Variants in DENND2B observed in about 807,000 individuals in gnomAD.
DENND2B encodes the protein DENN domain containing 2B.
A neutral mutation model predicts 116.0 loss-of-function variants in DENND2B; 32 were observed. The ratio of observed to expected loss-of-function variants is 0.28; its 90% CI spans 0.21 to 0.37. DENND2B has a LOEUF of 0.37. Ranked by LOEUF, DENND2B falls within the 10% of genes least tolerant of loss-of-function variation. The pLI is 1.00. For missense variants in DENND2B, 1,276 were observed against 1,477.7 expected (o/e 0.86, Z 2.24); for synonymous variants, 588 against 583.9 (o/e 1.01, Z -0.10).
At chr11:8,751,198 A>T (rs2052387914) in intron 1 of DENND2B, among the ~76,000 whole-genome samples, 1 of 152,100 alleles carries the variant, frequency 6.6e-6, no homozygotes, top group African/African-American at 2.4e-5. Context: ...ACATCAGTCC[A>T]CAGGCTGTAT....
chr11:8,758,212 A>G (rs74053166), intron 1 of DENND2B, among the ~76,000 whole-genome samples: 2,843 of 152,258 alleles, frequency 0.019, 89 homozygotes, highest in African/African-American at 0.065. Flanking sequence ...GTCACGACTC[A>G]CCATCTTCCC....
At chr11:8,746,233 G>A (rs1320250540) in intron 2 of DENND2B, among the ~76,000 whole-genome samples, 3 of 152,172 alleles carry the variant, frequency 2.0e-5, no homozygotes, top group Non-Finnish European at 4.4e-5. Flanking sequence ...AAGGCACAGG[G>A]TCCAAATCTG....
At chr11:8,717,675 TGG>T in intron 5 of DENND2B, 64 bp downstream of exon 5, 1 of 1,471,070 alleles carries the variant, frequency 6.8e-7, no homozygotes, top group Non-Finnish European at 9.0e-7. Flanking sequence ...GCCCAAGTCT[TGG>T]AAGAGCAGGC....
intron 2 of DENND2B, among the ~76,000 whole-genome samples, chr11:8,868,630 A>C (rs1269931482): frequency 6.6e-6 from 1 of 152,198 alleles, no homozygotes; most frequent in African/African-American, 2.4e-5. Context: ...CTCATCTTTA[A>C]AACAAGAGCA....
chr11:8,897,720 T>C (rs1182996823), intron 1 of DENND2B, among the ~76,000 whole-genome samples: 2 of 152,206 alleles, frequency 1.3e-5, no homozygotes, highest in African/African-American at 2.4e-5. Flanking sequence ...CAGATTTCAA[T>C]GGCTGAATGT....
At chr11:8,749,792 G>A (rs1468613326) in intron 2 of DENND2B, among the ~76,000 whole-genome samples, 1 of 152,124 alleles carries the variant, frequency 6.6e-6, no homozygotes, top group Non-Finnish European at 1.5e-5. Context: ...TTGTCCACCT[G>A]ACATTCAGCA....
intron 4 of DENND2B, chr11:8,830,692 C>T (rs2243566): frequency 0.44 from 67,215 of 151,990 alleles, 15,762 homozygotes; most frequent in East Asian, 0.59. Context: ...AAAGTATCTT[C>T]CCGCCTGTTC....
Position 8,707,610 on chromosome 11 carries a change from G to GTA in DENND2B, c.2430+166_2430+167insTA, listed in dbSNP as rs2042834370. Among the ~76,000 whole-genome samples, 2 of 152,230 alleles carry GTA rather than the reference G, an allele frequency of 1.3e-5. No homozygotes were observed. Among genetic ancestry groups the GTA allele is most frequent in the Non-Finnish European group, 2.9e-5 (2 of 68,032 alleles). On this transcript the variant is annotated intron_variant, in intron 12 of 19. Coordinates refer to ENST00000313726, the MANE Select transcript of DENND2B (RefSeq NM_213618.2). The surrounding 1 kb of genome is among the most constrained non-coding windows in gnomAD (Gnocchi z 4.8). Reference sequence around the variant, plus strand: ...TGCCAGCCAGCTGGGTAGAGAACCAGGCCGGGGAATGGGAGGGTGTCAGAG... The same window carrying GTA: ...TGCCAGCCAGCTGGGTAGAGAACCAGTAGCCGGGGAATGGGAGGGTGTCAGAG...
At chr11:8,734,451 C>G (rs2048630338) in intron 2 of DENND2B, among the ~76,000 whole-genome samples, 1 of 152,108 alleles carries the variant, frequency 6.6e-6, no homozygotes, top group South Asian at 2.1e-4. Flanking sequence ...AATCTTCTCT[C>G]CCTAAGCCTC....
chr11:8,797,153 C>A (rs1244815508), intron 1 of DENND2B, among the ~76,000 whole-genome samples: 1 of 152,214 alleles, frequency 6.6e-6, no homozygotes, highest in Non-Finnish European at 1.5e-5. Context: ...AGCTACTCCA[C>A]ATCCCTGCAG....
At chr11:8,813,411 G>C (rs2061462059), upstream of DENND2B, among the ~76,000 whole-genome samples, 1 of 152,054 alleles carries the variant, frequency 6.6e-6, no homozygotes, top group Non-Finnish European at 1.5e-5. Context: ...AGAAAGACAA[G>C]ACAGAAGGGC....
chr11:8,767,352 A>G (rs1255055772), intron 1 of DENND2B, among the ~76,000 whole-genome samples: 1 of 152,220 alleles, frequency 6.6e-6, no homozygotes. Context: ...CTCGTGTGAA[A>G]AAGGGATTAG....
Position 8,715,627 on chromosome 11 carries a change from G to C in DENND2B, c.1821C>G (p.Ser607Arg), listed in dbSNP as rs1452355585. 1.2e-5 allele frequency: 20 copies of C among 1,613,126 alleles called. No homozygotes were observed. Residue 607 changes from serine to arginine, a missense_variant, in exon 6 of 20, where the codon AGC (serine) becomes AGG (arginine). Coordinates refer to ENST00000313726, the MANE Select transcript of DENND2B (RefSeq NM_213618.2). Reference sequence around the variant, plus strand: ...CCTTGGGAATGCGGCGGGCCCGGCGGCTGGACAGCAGCTCGCTGGTGGTGC... The same window carrying C: ...CCTTGGGAATGCGGCGGGCCCGGCGCCTGGACAGCAGCTCGCTGGTGGTGC... ...SLSTTSELLS[S>R]RRARRIPKLV...
intron 13 of DENND2B, among the ~76,000 whole-genome samples, chr11:8,704,043 C>G (rs1054130387): frequency 2.6e-5 from 4 of 152,218 alleles, no homozygotes; most frequent in African/African-American, 9.6e-5. Context: ...CCTACTGTCC[C>G]TGGGGCCCAA....
intron 1 of DENND2B, among the ~76,000 whole-genome samples, chr11:8,758,623 G>C (rs558168796): frequency 6.6e-6 from 1 of 152,140 alleles, no homozygotes; most frequent in Non-Finnish European, 1.5e-5. Context: ...CAGGTGAATA[G>C]AAAGAAAAAT....
intron 4 of DENND2B, chr11:8,718,240 TG>T: frequency 1.0e-6 from 1 of 1,001,522 alleles, no homozygotes; most frequent in Non-Finnish European, 1.5e-6. Flanking sequence ...AGTCTTTCCT[TG>T]GCTCCCTTCC....
At chr11:8,774,818 G>A (rs2057395316) in intron 1 of DENND2B, among the ~76,000 whole-genome samples, 1 of 151,846 alleles carries the variant, frequency 6.6e-6, no homozygotes, top group Admixed American at 6.5e-5. Context: ...AGACTGAGAT[G>A]AGTGGGCAGT....
intron 1 of DENND2B, among the ~76,000 whole-genome samples, chr11:8,791,628 A>G (rs541350104): frequency 6.3e-4 from 96 of 152,034 alleles, no homozygotes; most frequent in African/African-American, 2.2e-3. Context: ...TTAGCCGGGT[A>G]TGGTGGCATG....
chr11:8,792,795 T>C (rs2059501034), intron 1 of DENND2B, among the ~76,000 whole-genome samples: 2 of 152,202 alleles, frequency 1.3e-5, no homozygotes, highest in African/African-American at 4.8e-5. Flanking sequence ...CAGGGCGCAG[T>C]GGAAAGAGGC....
Sources: allele counts gnomAD v4.1 joint callset (sites outside exome capture counted in the v4.1 genomes callset), GRCh38; gene constraint gnomAD v4.1.1; non-coding constraint Gnocchi (gnomAD v3.1); transcripts MANE v1.5; gene names NCBI Gene and HGNC (gene_info 2026-07-23, HGNC 2026-07-21).